MYO3B: variants seen among roughly 807,000 people sequenced by gnomAD.
MYO3B encodes myosin-IIIb.
MYO3B carries 156 observed loss-of-function variants against 174.6 expected under a neutral mutation model. The observed-to-expected ratio is 0.89, with a 90% CI of 0.78 to 1.02. The LOEUF (loss-of-function observed/expected upper bound fraction) is 1.02. Among genes scored for constraint, MYO3B ranks in the 50% least tolerant of loss-of-function variants. MYO3B has a pLI of 0.00. For synonymous variants in MYO3B, 563 were observed against 569.1 expected, an observed-to-expected ratio of 0.99 and a Z score of 0.15; for missense variants, 1,632 against 1,639.4, an observed-to-expected ratio of 1.00 and a Z score of 0.08.
chr2:170,438,913 T>G (rs930496546), intron 22 of MYO3B, among the ~76,000 whole-genome samples: 3 of 151,348 alleles, frequency 2.0e-5, no homozygotes, highest in African/African-American at 7.3e-5. Context: ...ATTACAGGTG[T>G]GAGCCACCGT....
chr2:170,578,696 T>C (rs1445973011), intron 32 of MYO3B, among the ~76,000 whole-genome samples: 1 of 152,236 alleles, frequency 6.6e-6, no homozygotes, highest in Non-Finnish European at 1.5e-5. Context: ...AACTAACTGC[T>C]AAAAAAATAT....
chr2:170,461,352 T>C (rs1684267004), intron 23 of MYO3B, among the ~76,000 whole-genome samples: 2 of 148,984 alleles, frequency 1.3e-5, no homozygotes, highest in South Asian at 4.2e-4. Flanking sequence ...CGGGCACCTG[T>C]AATCCCAGCT....
chr2:170,481,997 C>T lies in MYO3B; in HGVS notation c.3014+15286C>T, dbSNP rs911033229. Among the ~76,000 whole-genome samples, 8 of 152,270 alleles carry T rather than the reference C, an allele frequency of 5.3e-5. No individual in the cohort carries two copies. In the East Asian group the frequency reaches 7.7e-4, roughly 15 times the overall value. ...GTGATATGGTTTGGCTGTGTCCTCA[C>T]CCAAGTCTCATCTTGAATTCCCATG... On this transcript the variant is annotated intron_variant, in intron 25 of 34. Coordinates refer to ENST00000408978, the MANE Select transcript of MYO3B (RefSeq NM_138995.5).
chr2:170,399,264 AAAGAGAGAG>A, intron 16 of MYO3B, among the ~76,000 whole-genome samples: 2 of 107,090 alleles, frequency 1.9e-5, no homozygotes, highest in East Asian at 5.0e-4. Context: ...AAAAAAAAAA[AAAGAGAGAG>A]ACCAGTCTGG....
intron 8 of MYO3B, among the ~76,000 whole-genome samples, chr2:170,364,349 A>G (rs1022693042): frequency 6.6e-6 from 1 of 152,144 alleles, no homozygotes; most frequent in African/African-American, 2.4e-5. Context: ...CAAAACTCCA[A>G]ACTTACTTGG....
At chr2:170,476,191 G>T (rs548180786) in intron 25 of MYO3B, among the ~76,000 whole-genome samples, 1 of 152,208 alleles carries the variant, frequency 6.6e-6, no homozygotes, top group Non-Finnish European at 1.5e-5. Context: ...TGGGACAAGC[G>T]CTGTGGGTTC....
At chr2:170,310,263 T>C (rs768565038) in intron 7 of MYO3B, among the ~76,000 whole-genome samples, 11 of 152,180 alleles carry the variant, frequency 7.2e-5, no homozygotes, top group Non-Finnish European at 1.3e-4. Context: ...TGATTGCCCG[T>C]GACAGTGCCC....
At chr2:170,337,473 C>T (rs2093953162) in intron 8 of MYO3B, among the ~76,000 whole-genome samples, 1 of 152,154 alleles carries the variant, frequency 6.6e-6, no homozygotes, top group Non-Finnish European at 1.5e-5. Context: ...ACTTTGGCTT[C>T]TGTATACTTT....
rs143275428 is a variant in MYO3B, at chr2:170,247,574, A to G, written c.749+11438A>G. ...TCAAGCTGCTATAACAAAATACCTG[A>G]CTTAGACTGGGTAGCTTACAGACAA... On this transcript the variant is annotated intron_variant, in intron 7 of 34. Coordinates refer to ENST00000408978, the MANE Select transcript of MYO3B (RefSeq NM_138995.5). Among the ~76,000 whole-genome samples, 3 of 152,276 alleles carry G rather than the reference A, an allele frequency of 2.0e-5. No individual in the cohort carries two copies. The East Asian group carries it at 5.8e-4, about 29-fold the overall frequency.
At chr2:170,352,280 A>G (rs1345424440) in intron 8 of MYO3B, among the ~76,000 whole-genome samples, 1 of 152,158 alleles carries the variant, frequency 6.6e-6, no homozygotes. Flanking sequence ...TTGTACTCAG[A>G]AAGGGGATAG....
chr2:170,609,510 C>T (rs1695010955), intron 32 of MYO3B, among the ~76,000 whole-genome samples: 1 of 152,114 alleles, frequency 6.6e-6, no homozygotes, highest in South Asian at 2.1e-4. Context: ...TGATGATTAG[C>T]AGGAAGAGAG....
chr2:170,268,662 A>G (rs1420157342), intron 7 of MYO3B, among the ~76,000 whole-genome samples: 1 of 152,192 alleles, frequency 6.6e-6, no homozygotes, highest in African/African-American at 2.4e-5. Flanking sequence ...ATAGTTGTCT[A>G]GTTGGAAAAA....
intron 32 of MYO3B, among the ~76,000 whole-genome samples, chr2:170,587,636 G>C (rs1391525504): frequency 6.6e-6 from 1 of 152,166 alleles, no homozygotes; most frequent in Non-Finnish European, 1.5e-5. Context: ...CACATATAGA[G>C]AAACTTTTAA....
At chr2:170,483,004 C>T (rs962820810) in intron 25 of MYO3B, among the ~76,000 whole-genome samples, 4 of 152,378 alleles carry the variant, frequency 2.6e-5, no homozygotes, top group East Asian at 3.9e-4. Context: ...GGAGCCCATG[C>T]TGCTGGCAGC....
chr2:170,262,956 T>C (rs77262329), intron 7 of MYO3B, among the ~76,000 whole-genome samples: 6,012 of 152,304 alleles, frequency 0.039, 156 homozygotes, highest in Middle Eastern at 0.061. Flanking sequence ...AATTAAAACA[T>C]GATTTTGACG....
intron 7 of MYO3B, among the ~76,000 whole-genome samples, chr2:170,324,708 A>G (rs2093852569): frequency 6.6e-6 from 1 of 152,230 alleles, no homozygotes; most frequent in Non-Finnish European, 1.5e-5. Context: ...GACTTGGTGA[A>G]CATTTCTTCT....
intron 9 of MYO3B, among the ~76,000 whole-genome samples, chr2:170,376,281 G>T (rs900009721): frequency 3.3e-5 from 5 of 152,078 alleles, no homozygotes; most frequent in African/African-American, 1.2e-4. Flanking sequence ...TTCCTCAAAG[G>T]TCTGCTATTG....
chr2:170,372,772 G>C (rs1441657466), intron 9 of MYO3B, among the ~76,000 whole-genome samples: 3 of 152,204 alleles, frequency 2.0e-5, no homozygotes, highest in Non-Finnish European at 2.9e-5. Flanking sequence ...CCCTGGAGCT[G>C]CTGGGTAGAT....
At chr2:170,499,959 C>T (rs1025647383) in intron 27 of MYO3B, 151 bp downstream of exon 27, 6 of 657,382 alleles carry the variant, frequency 9.1e-6, no homozygotes, top group African/African-American at 1.9e-5. Context: ...TCTTTCCTTC[C>T]TTCCTTCCTT....
Sources: allele counts gnomAD v4.1 joint callset (sites outside exome capture counted in the v4.1 genomes callset), GRCh38; gene constraint gnomAD v4.1.1; transcripts MANE v1.5; gene names NCBI Gene and HGNC (gene_info 2026-07-23, HGNC 2026-07-21).